The following BCAS3 variants were observed in gnomAD, a reference collection of about 807,000 sequenced individuals.
BCAS3 encodes the protein BCAS4/BCAS3 fusion.
BCAS3 carries 53 observed loss-of-function variants against 116.1 expected under a neutral mutation model. The observed-to-expected ratio is 0.46, with a 90% CI of 0.37 to 0.57. BCAS3 has a LOEUF of 0.57. Ranked by LOEUF, BCAS3 falls within the 20% of genes least tolerant of loss-of-function variation. The probability of loss-of-function intolerance (pLI) is 0.00; values close to 1 mark genes in which losing one functional copy is unlikely to be tolerated. For missense variants in BCAS3, 917 were observed against 1,165.4 expected (o/e 0.79, Z 3.10); for synonymous variants, 391 against 408.2 (o/e 0.96, Z 0.51).
At chr17:60,891,125 A>G (rs2057117791) in intron 10 of BCAS3, among the ~76,000 whole-genome samples, 1 of 152,152 alleles carries the variant, frequency 6.6e-6, no homozygotes, top group African/African-American at 2.4e-5. Flanking sequence ...AAAACAAGGC[A>G]TACAAGTAAG....
At chr17:60,957,054 C>T (rs776172233) in intron 14 of BCAS3, among the ~76,000 whole-genome samples, 14 of 152,124 alleles carry the variant, frequency 9.2e-5, no homozygotes, top group Non-Finnish European at 1.6e-4. Flanking sequence ...TAATTTTCCT[C>T]GTAAAGCACA....
Position 61,026,304 on chromosome 17 carries a change from A to T in BCAS3, c.1638-8362A>T, listed in dbSNP as rs1025961717. On this transcript the variant is annotated intron_variant, in intron 16 of 23. Coordinates refer to ENST00000407086, the MANE Select transcript of BCAS3 (RefSeq NM_017679.5). This position sits in a 1 kb window ranked among gnomAD's most constrained non-coding sequence, Gnocchi z 5.0. ...GGATTATGGCCAAAAATAGAGAAAA[A>T]TTATACTAGTTGTACTTAGTGTTTT... Among the ~76,000 whole-genome samples the T allele has an allele frequency of 6.6e-6, 1 of 152,082 alleles. No individual in the cohort carries two copies. Among genetic ancestry groups the T allele is most frequent in the Non-Finnish European group, 1.5e-5 (1 of 67,954 alleles).
chr17:61,093,204 A>C (rs1469828068), intron 22 of BCAS3, among the ~76,000 whole-genome samples: 1 of 152,092 alleles, frequency 6.6e-6, no homozygotes. Context: ...CACCATGCCC[A>C]GCCCCTCCAG....
rs1211181436 is a variant in BCAS3, at chr17:60,961,416, T to C, written c.1221+14064T>C. On this transcript the variant is annotated intron_variant, in intron 14 of 23. Coordinates refer to ENST00000407086, the MANE Select transcript of BCAS3 (RefSeq NM_017679.5). The surrounding 1 kb of genome is among the most constrained non-coding windows in gnomAD (Gnocchi z 4.8). ...GTGGAAACTGTCATGCAGGAGCTGCTGCTTCAATCTATAGGATCACAATAG... is the reference window on the plus strand; with the variant it reads ...GTGGAAACTGTCATGCAGGAGCTGCCGCTTCAATCTATAGGATCACAATAG... Among the ~76,000 whole-genome samples the C allele has an allele frequency of 6.6e-6, 1 of 152,174 alleles. No homozygotes were observed. Among genetic ancestry groups the C allele is most frequent in the Non-Finnish European group, 1.5e-5 (1 of 68,038 alleles).
chr17:61,038,088 C>A, intron 18 of BCAS3, 34 bp downstream of exon 18: 1 of 1,582,408 alleles, frequency 6.3e-7, no homozygotes, highest in Non-Finnish European at 8.6e-7. Flanking sequence ...TTTTTAACAG[C>A]TTCATTAAGG....
At chr17:60,703,937 G>T (rs866067845) in intron 4 of BCAS3, among the ~76,000 whole-genome samples, 1 of 140,134 alleles carries the variant, frequency 7.1e-6, no homozygotes, top group African/African-American at 2.7e-5. Context: ...AAGAAAAAAA[G>T]AAAAAAAAAA....
chr17:61,224,281 A>G lies in BCAS3; in HGVS notation c.2425+139717A>G, dbSNP rs935870551. Among the ~76,000 whole-genome samples the G allele has an allele frequency of 6.6e-6, 1 of 152,244 alleles. No homozygotes were observed. Among genetic ancestry groups the G allele is most frequent in the African/African-American group, 2.4e-5 (1 of 41,462 alleles). On this transcript the variant is annotated intron_variant, in intron 22 of 23. Transcript: ENST00000407086. The surrounding 1 kb of genome is among the most constrained non-coding windows in gnomAD (Gnocchi z 5.7). ...AGATGGACTGAGTATATGTATGACT[A>G]TAAAGTGATATCAAAAGTACAGGTG... is the stretch of plus-strand genomic sequence containing the variant.
chr17:60,982,459 T>C (rs73993566), intron 14 of BCAS3, among the ~76,000 whole-genome samples: 15,788 of 152,146 alleles, frequency 0.1, 2,463 homozygotes, highest in African/African-American at 0.34. Context: ...AAGTGCATCA[T>C]TGCGCCTCGC....
At chr17:60,838,769 C>G (rs1049245198) in intron 7 of BCAS3, among the ~76,000 whole-genome samples, 2 of 152,132 alleles carry the variant, frequency 1.3e-5, no homozygotes, top group Non-Finnish European at 2.9e-5. Flanking sequence ...TAGACAAAAT[C>G]TAAAAAAATA....
At position 61,347,747 on chromosome 17, in the gene BCAS3, G is replaced by A. The variant is rs2057587783; in HGVS notation, c.2426-20580G>A. Among the ~76,000 whole-genome samples, 1 of 152,204 alleles carries A rather than the reference G, an allele frequency of 6.6e-6. No individual in the cohort carries two copies. Among genetic ancestry groups the A allele is most frequent in the African/African-American group, 2.4e-5 (1 of 41,440 alleles). On this transcript the variant is annotated intron_variant, in intron 22 of 23. Transcript: ENST00000407086. This position sits in a 1 kb window ranked among gnomAD's most constrained non-coding sequence, Gnocchi z 4.3. Reference sequence around the variant, plus strand: ...CCTAGGGTGTTGTGGGGGCCGGTAGGAAGACCTAAGTCAGACCCAGAAGGG... The same window carrying A: ...CCTAGGGTGTTGTGGGGGCCGGTAGAAAGACCTAAGTCAGACCCAGAAGGG...
In BCAS3 at chr17:61,029,941, A is replaced by G. The variant is rs961205078; in HGVS notation, c.1638-4725A>G. Among the ~76,000 whole-genome samples the G allele has an allele frequency of 4.6e-5, 7 of 152,028 alleles. No homozygotes were observed. Among genetic ancestry groups the G allele is most frequent in the African/African-American group, 1.7e-4 (7 of 41,424 alleles). On this transcript the variant is annotated intron_variant, in intron 16 of 23. Transcript: ENST00000407086. This position sits in a 1 kb window ranked among gnomAD's most constrained non-coding sequence, Gnocchi z 5.2. The stretch of plus-strand genomic sequence containing the variant: ...TGCCACATTTACACAAATCTGTTAG[A>G]CCTTTAAGAAAAATTTATGACAGAA...
intron 22 of BCAS3, among the ~76,000 whole-genome samples, chr17:61,089,356 G>A (rs1413399996): frequency 4.0e-5 from 6 of 151,848 alleles, no homozygotes; most frequent in Admixed American, 1.3e-4. Flanking sequence ...AGGTGACAAG[G>A]AGGTTATTTG....
intron 22 of BCAS3, among the ~76,000 whole-genome samples, chr17:61,112,766 G>C (rs1405388244): frequency 5.0e-4 from 76 of 151,398 alleles, no homozygotes; most frequent in African/African-American, 6.8e-4. Context: ...CTCTCCACCC[G>C]AAATCAACAG....
At chr17:60,852,027 A>G (rs1179128171) in intron 7 of BCAS3, among the ~76,000 whole-genome samples, 1 of 152,128 alleles carries the variant, frequency 6.6e-6, no homozygotes. Flanking sequence ...CATTTCATAG[A>G]TGGGGGATAG....
chr17:61,081,463 C>A (rs950283616), intron 21 of BCAS3, among the ~76,000 whole-genome samples: 1 of 152,116 alleles, frequency 6.6e-6, no homozygotes, highest in Non-Finnish European at 1.5e-5. Flanking sequence ...TAATAAATAA[C>A]TCCCCAAATT....
At chr17:61,288,503 A>G (rs1197648350) in intron 22 of BCAS3, among the ~76,000 whole-genome samples, 1 of 152,188 alleles carries the variant, frequency 6.6e-6, no homozygotes, top group Non-Finnish European at 1.5e-5. Flanking sequence ...TTTCTACTTC[A>G]GATCCCCAGT....
At chr17:60,832,333 A>G (rs1031039569) in intron 7 of BCAS3, among the ~76,000 whole-genome samples, 1 of 152,188 alleles carries the variant, frequency 6.6e-6, no homozygotes, top group East Asian at 1.9e-4. Flanking sequence ...GCGGGCTGGA[A>G]TCAAAGTGGT....
intron 7 of BCAS3, among the ~76,000 whole-genome samples, chr17:60,841,406 G>A (rs2051892518): frequency 6.8e-6 from 1 of 147,330 alleles, no homozygotes. Flanking sequence ...TTGAGACCGA[G>A]TCTCGCTCTG....
intron 7 of BCAS3, among the ~76,000 whole-genome samples, chr17:60,851,917 G>A (rs142236738): frequency 1.3e-3 from 196 of 152,114 alleles, no homozygotes; most frequent in African/African-American, 4.3e-3. Flanking sequence ...TTTTTTAAGA[G>A]GTGAAATCAT....
Sources: gnomAD v4.1 joint callset for allele counts (sites outside exome capture counted in the v4.1 genomes callset) on GRCh38, gnomAD v4.1.1 for gene constraint, Gnocchi (gnomAD v3.1) non-coding constraint, MANE v1.5 for transcripts, NCBI Gene and HGNC (gene_info 2026-07-23, HGNC 2026-07-21) for gene names.